Variants in KSR2 observed in about 807,000 individuals in gnomAD.
The protein encoded by KSR2 is kinase suppressor of ras 2.
A neutral mutation model predicts 107.8 loss-of-function variants in KSR2; 25 were observed. The ratio of observed to expected loss-of-function variants is 0.23; its 90% CI spans 0.17 to 0.32. The LOEUF is 0.32. Ranked by LOEUF, KSR2 falls within the 10% of genes least tolerant of loss-of-function variation. The pLI, the probability that KSR2 is intolerant of heterozygous loss-of-function variation, is 1.00. For synonymous variants in KSR2, 480 were observed against 507.0 expected (o/e 0.95, Z 0.71); for missense variants, 887 against 1,268.9 (o/e 0.70, Z 4.57).
intron 4 of KSR2, among the ~76,000 whole-genome samples, chr12:117,676,568 G>C (rs750972888): frequency 7.9e-5 from 12 of 152,086 alleles, no homozygotes; most frequent in Non-Finnish European, 1.6e-4. Context: ...GACAAACGAG[G>C]GGGAGGAGAT....
chr12:117,672,013 CCTT>C (rs1410853529), intron 4 of KSR2, among the ~76,000 whole-genome samples: 3 of 152,206 alleles, frequency 2.0e-5, no homozygotes, highest in African/African-American at 7.2e-5. Context: ...CCTGCAAAGT[CCTT>C]AGCGCCTGGA....
At chr12:117,569,410 G>T (rs1593003137) in intron 7 of KSR2, among the ~76,000 whole-genome samples, 1 of 152,120 alleles carries the variant, frequency 6.6e-6, no homozygotes, top group Admixed American at 6.5e-5. Context: ...AGCATGTCTG[G>T]CCAGCCACTG....
At chr12:117,597,939 G>A (rs920099354) in intron 5 of KSR2, among the ~76,000 whole-genome samples, 5 of 152,156 alleles carry the variant, frequency 3.3e-5, no homozygotes, top group African/African-American at 1.2e-4. Flanking sequence ...AGAGAAAACC[G>A]CAGATCAGAG....
At chr12:117,476,149 A>G (rs537026548) in intron 17 of KSR2, among the ~76,000 whole-genome samples, 3 of 152,386 alleles carry the variant, frequency 2.0e-5, no homozygotes, top group Admixed American at 1.3e-4. Context: ...AATGAAGACA[A>G]CACTGAATCT....
At chr12:117,767,221 G>C (rs2136896388) in intron 3 of KSR2, among the ~76,000 whole-genome samples, 1 of 149,598 alleles carries the variant, frequency 6.7e-6, no homozygotes, top group Admixed American at 6.7e-5. Context: ...AGACCATCCT[G>C]GCTAACACAG....
intron 3 of KSR2, among the ~76,000 whole-genome samples, chr12:117,819,489 C>T (rs1287602376): frequency 6.6e-6 from 1 of 152,156 alleles, no homozygotes; most frequent in Non-Finnish European, 1.5e-5. Context: ...AAGCCATGTT[C>T]ACTCTTTTGA....
chr12:117,479,170 A>G (rs989982644), intron 16 of KSR2, among the ~76,000 whole-genome samples: 2 of 152,214 alleles, frequency 1.3e-5, no homozygotes, highest in Non-Finnish European at 2.9e-5. Flanking sequence ...TGAAGGTAGC[A>G]TCCATTTGGA....
At chr12:117,966,598 C>G (rs967261571) in intron 1 of KSR2, among the ~76,000 whole-genome samples, 2 of 125,708 alleles carry the variant, frequency 1.6e-5, no homozygotes, top group Non-Finnish European at 1.6e-5. Flanking sequence ...AGCATGTTCT[C>G]TCTCTCTCTC....
intron 5 of KSR2, among the ~76,000 whole-genome samples, chr12:117,633,771 T>C (rs1882919830): frequency 6.6e-6 from 1 of 152,164 alleles, no homozygotes; most frequent in African/African-American, 2.4e-5. Context: ...TTTCTGTTAA[T>C]AAAATCACAC....
intron 4 of KSR2, among the ~76,000 whole-genome samples, chr12:117,729,140 C>CTT (rs78615056): frequency 7.1e-6 from 1 of 140,764 alleles, no homozygotes; most frequent in Non-Finnish European, 1.6e-5. Flanking sequence ...CAGCAGGAAA[C>CTT]TTTTTTTTTT....
intron 7 of KSR2, among the ~76,000 whole-genome samples, chr12:117,570,743 T>C (rs189259747): frequency 1.3e-5 from 2 of 152,188 alleles, no homozygotes. Context: ...ACATATCTCA[T>C]CACATGGAAT....
intron 1 of KSR2, among the ~76,000 whole-genome samples, chr12:117,938,530 A>T (rs1895910663): frequency 6.6e-6 from 1 of 151,220 alleles, no homozygotes; most frequent in Non-Finnish European, 1.5e-5. Context: ...CACATTGTGC[A>T]CATGTACCCT....
Position 117,527,055 on chromosome 12 carries a change from GCT to G in KSR2, c.1851+14_1851+15del. The G allele has an allele frequency of 1.2e-6, 2 of 1,611,784 alleles. No individual in the cohort carries two copies. The highest frequency in any genetic ancestry group is 1.7e-6 in the Non-Finnish European group (2 of 1,178,062). ...AGTCCCTGGAAAATGTCGCTTCACT[GCT>G]CTCTGATTCTCACCTCCGACGTTGG... On this transcript the variant is annotated intron_variant, in intron 13 of 19. Coordinates refer to ENST00000339824, the MANE Select transcript of KSR2 (RefSeq NM_173598.6).
At chr12:117,682,027 A>T (rs909786560) in intron 4 of KSR2, among the ~76,000 whole-genome samples, 4 of 152,242 alleles carry the variant, frequency 2.6e-5, no homozygotes, top group Non-Finnish European at 4.4e-5. Flanking sequence ...CCAAATGCCC[A>T]TCAATGATAG....
At chr12:117,507,910 C>T (rs1252291034) in intron 14 of KSR2, among the ~76,000 whole-genome samples, 1 of 152,124 alleles carries the variant, frequency 6.6e-6, no homozygotes, top group Non-Finnish European at 1.5e-5. Context: ...CCTTCTCTCC[C>T]TGTCCCCGTG....
chr12:117,730,698 C>T (rs373661607), intron 4 of KSR2, among the ~76,000 whole-genome samples: 5 of 152,206 alleles, frequency 3.3e-5, no homozygotes, highest in Non-Finnish European at 5.9e-5. Flanking sequence ...TTGGTGGAGA[C>T]GGGGTTTCGC....
Position 117,550,286 on chromosome 12 carries a change from T to C in KSR2, c.1518+4883A>G, listed in dbSNP as rs115601114. 2.4e-3 allele frequency among the ~76,000 whole-genome samples: 363 copies of C among 152,262 alleles called. 3 individuals are homozygous for C. The highest frequency in any genetic ancestry group is 8.3e-3 in the African/African-American group (344 of 41,560). On this transcript the variant is annotated intron_variant, in intron 9 of 19. Transcript: ENST00000339824. ...TGTGCCAAGTAATAAGAAATTCACA[T>C]CTGACTCTGAAACTCAAATAGAAGC...
At chr12:117,797,532 G>GCGA (rs1555242072) in intron 3 of KSR2, among the ~76,000 whole-genome samples, 9 of 109,252 alleles carry the variant, frequency 8.2e-5, no homozygotes, top group Non-Finnish European at 1.3e-4. Context: ...TCTATTTGGT[G>GCGA]TGATGACAAT....
chr12:117,688,415 C>T (rs1452138557), intron 4 of KSR2, among the ~76,000 whole-genome samples: 1 of 152,152 alleles, frequency 6.6e-6, no homozygotes, highest in African/African-American at 2.4e-5. Flanking sequence ...TTCACTAAAT[C>T]AGACTAAGTA....
Sources: gnomAD v4.1 joint callset for allele counts (sites outside exome capture counted in the v4.1 genomes callset) on GRCh38, gnomAD v4.1.1 for gene constraint, MANE v1.5 for transcripts, NCBI Gene and HGNC (gene_info 2026-07-23, HGNC 2026-07-21) for gene names.